The following KCNIP4 variants were observed in gnomAD, a reference collection of about 807,000 sequenced individuals.
KCNIP4 encodes potassium voltage-gated channel interacting protein 4, also known as Kv channel-interacting protein 4.
KCNIP4 carries 12 observed loss-of-function variants against 34.0 expected under a neutral mutation model. The observed-to-expected ratio is 0.35, with a 90% CI of 0.23 to 0.57. The LOEUF (loss-of-function observed/expected upper bound fraction) is 0.57. Ranked by LOEUF, KCNIP4 falls within the 20% of genes least tolerant of loss-of-function variation. KCNIP4 has a pLI of 0.83. For synonymous variants in KCNIP4, 124 were observed against 102.2 expected, an observed-to-expected ratio of 1.21 and a Z score of -1.29; for missense variants, 238 against 311.7, an observed-to-expected ratio of 0.76 and a Z score of 1.78.
At chr4:21,501,083 G>T (rs1733287409) in intron 1 of KCNIP4, among the ~76,000 whole-genome samples, 1 of 151,902 alleles carries the variant, frequency 6.6e-6, no homozygotes, top group African/African-American at 2.4e-5. Flanking sequence ...ATGTATTTTT[G>T]CATTATTTAC....
intron 1 of KCNIP4, among the ~76,000 whole-genome samples, chr4:20,977,452 C>G (rs1735600466): frequency 6.6e-6 from 1 of 152,146 alleles, no homozygotes; most frequent in Non-Finnish European, 1.5e-5. Flanking sequence ...GAAAATTATT[C>G]AACCACAGGT....
At chr4:21,279,648 C>T (rs375333387) in intron 1 of KCNIP4, among the ~76,000 whole-genome samples, 6 of 151,606 alleles carry the variant, frequency 4.0e-5, no homozygotes, top group South Asian at 2.1e-4. Context: ...ATTCAGCCAG[C>T]TTCTAGTCTA....
chr4:21,883,184 C>A (rs370365468), intron 1 of KCNIP4, among the ~76,000 whole-genome samples: 15 of 141,900 alleles, frequency 1.1e-4, no homozygotes, highest in African/African-American at 3.9e-4. Flanking sequence ...TTATAAGAGA[C>A]AAGGTCTGCC....
intron 1 of KCNIP4, among the ~76,000 whole-genome samples, chr4:21,314,576 C>T (rs1383506646): frequency 6.6e-6 from 1 of 152,132 alleles, no homozygotes; most frequent in Non-Finnish European, 1.5e-5. Flanking sequence ...TTATCTCATG[C>T]ATTTTTCAAA....
chr4:21,480,027 T>A (rs188344631), intron 1 of KCNIP4, among the ~76,000 whole-genome samples: 1 of 151,288 alleles, frequency 6.6e-6, no homozygotes, highest in Non-Finnish European at 1.5e-5. Context: ...ATATATAAAT[T>A]TAACAGTTTA....
chr4:20,848,813 A>G (rs1427302262), intron 3 of KCNIP4, among the ~76,000 whole-genome samples: 1 of 152,184 alleles, frequency 6.6e-6, no homozygotes, highest in Non-Finnish European at 1.5e-5. Flanking sequence ...AAAAGAAAAA[A>G]AAAGTCTGCT....
chr4:21,777,271 A>G (rs978185894), intron 1 of KCNIP4, among the ~76,000 whole-genome samples: 1 of 152,184 alleles, frequency 6.6e-6, no homozygotes, highest in East Asian at 1.9e-4. Flanking sequence ...GCAGTTCTTT[A>G]TAACAGTGTG....
At chr4:21,277,987 A>G (rs373804200) in intron 1 of KCNIP4, among the ~76,000 whole-genome samples, 1 of 152,310 alleles carries the variant, frequency 6.6e-6, no homozygotes, top group African/African-American at 2.4e-5. Flanking sequence ...TGAAAAAGTA[A>G]AGCTTTAAAA....
chr4:20,921,684 A>T (rs1729400611), intron 1 of KCNIP4, among the ~76,000 whole-genome samples: 1 of 152,230 alleles, frequency 6.6e-6, no homozygotes, highest in Non-Finnish European at 1.5e-5. Flanking sequence ...GAAAACTGTG[A>T]TTGCAAATAA....
intron 1 of KCNIP4, among the ~76,000 whole-genome samples, chr4:21,517,558 G>A (rs558205164): frequency 1.3e-5 from 2 of 152,226 alleles, no homozygotes; most frequent in South Asian, 2.1e-4. Flanking sequence ...CCAATGAATC[G>A]AGGTATTTCA....
intron 1 of KCNIP4, among the ~76,000 whole-genome samples, chr4:21,283,870 C>T (rs1207706891): frequency 6.6e-6 from 1 of 151,670 alleles, no homozygotes; most frequent in Non-Finnish European, 1.5e-5. Flanking sequence ...AAAATAAAAA[C>T]AAGTAAAAAT....
chr4:21,483,204 TAC>T (rs1456025720), intron 1 of KCNIP4, among the ~76,000 whole-genome samples: 6 of 151,578 alleles, frequency 4.0e-5, no homozygotes, highest in African/African-American at 1.5e-4. Context: ...TGTGCACATG[TAC>T]CCTACAACTT....
At chr4:21,666,831 G>T (rs769978655) in intron 1 of KCNIP4, among the ~76,000 whole-genome samples, 2 of 152,132 alleles carry the variant, frequency 1.3e-5, no homozygotes, top group African/African-American at 4.8e-5. Flanking sequence ...GGTGAATAAG[G>T]GGGAGGAAAG....
chr4:21,704,823 G>A (rs183044582), intron 1 of KCNIP4, among the ~76,000 whole-genome samples: 4 of 152,116 alleles, frequency 2.6e-5, no homozygotes, highest in East Asian at 1.9e-4. Flanking sequence ...TTAAAATTCC[G>A]AACATACATC....
At chr4:21,010,651 C>T (rs1738983645) in intron 1 of KCNIP4, among the ~76,000 whole-genome samples, 1 of 152,278 alleles carries the variant, frequency 6.6e-6, no homozygotes, top group South Asian at 2.1e-4. Flanking sequence ...TAATAAGATG[C>T]CTTCACCACC....
intron 1 of KCNIP4, among the ~76,000 whole-genome samples, chr4:21,209,523 A>T (rs958112789): frequency 6.6e-6 from 1 of 152,114 alleles, no homozygotes; most frequent in African/African-American, 2.4e-5. Flanking sequence ...ATTTCACTTA[A>T]TATGATGCCC....
intron 1 of KCNIP4, among the ~76,000 whole-genome samples, chr4:21,822,623 C>T (rs979091897): frequency 1.3e-5 from 2 of 151,580 alleles, no homozygotes; most frequent in African/African-American, 4.9e-5. Context: ...ATTATTTGCC[C>T]AGCAGATGGT....
chr4:21,836,326 A>C (rs2109312908), intron 1 of KCNIP4, among the ~76,000 whole-genome samples: 1 of 152,308 alleles, frequency 6.6e-6, no homozygotes, highest in African/African-American at 2.4e-5. Context: ...GTACATCAAC[A>C]GCTTTTGCCT....
At chr4:21,837,601 G>GA (rs1470896958) in intron 1 of KCNIP4, among the ~76,000 whole-genome samples, 1 of 145,614 alleles carries the variant, frequency 6.9e-6, no homozygotes, top group African/African-American at 2.6e-5. Context: ...AGATAGAAAA[G>GA]AAAAAAAATT....
Sources: gnomAD v4.1 joint callset for allele counts (sites outside exome capture counted in the v4.1 genomes callset) on GRCh38, gnomAD v4.1.1 for gene constraint, MANE v1.5 for transcripts, NCBI Gene and HGNC (gene_info 2026-07-23, HGNC 2026-07-21) for gene names.